The following TMTC4 variants were observed in gnomAD, a reference collection of about 807,000 sequenced individuals.
TMTC4 encodes the protein protein O-mannosyl-transferase TMTC4.
In TMTC4, 65 loss-of-function variants were observed where a neutral mutation model predicts 86.0. That is an observed-to-expected ratio of 0.76 (90% CI 0.62 to 0.93). The LOEUF (loss-of-function observed/expected upper bound fraction) is 0.93. TMTC4 is among the 40% of genes least tolerant of loss of function. The pLI, the probability that TMTC4 is intolerant of heterozygous loss-of-function variation, is 0.00. For synonymous variants in TMTC4, 379 were observed against 382.5 expected, an observed-to-expected ratio of 0.99 and a Z score of 0.11; for missense variants, 866 against 948.1, an observed-to-expected ratio of 0.91 and a Z score of 1.14.
rs1441768257 is a variant in TMTC4, at chr13:100,605,511, G to A, written c.2135-369C>T. ...TGATGGATGCTAGGCACTGCCCAGAGCCCTGACTATGCAGAAGTTCAGCTG... is the reference window on the plus strand; with the variant it reads ...TGATGGATGCTAGGCACTGCCCAGAACCCTGACTATGCAGAAGTTCAGCTG... On this transcript the variant is annotated intron_variant, in intron 18 of 18. Coordinates refer to ENST00000342624, the MANE Select transcript of TMTC4 (RefSeq NM_032813.5). The surrounding 1 kb of genome is among the most constrained non-coding windows in gnomAD (Gnocchi z 4.3). Among the ~76,000 whole-genome samples, 1 of 152,176 alleles carries A rather than the reference G, an allele frequency of 6.6e-6. No individual in the cohort carries two copies. The highest frequency in any genetic ancestry group is 1.5e-5 in the Non-Finnish European group (1 of 68,026).
intron 1 of TMTC4, 29 bp downstream of exon 1, chr13:100,674,715 G>C (rs1443303889): frequency 4.6e-5 from 45 of 983,214 alleles, no homozygotes; most frequent in Non-Finnish European, 5.2e-5. Context: ...CGGCGCGCTC[G>C]GCCCTGCAGG....
intron 3 of TMTC4, 35 bp from the exon 4 acceptor site, chr13:100,664,371 G>T (rs1886159298): frequency 2.0e-6 from 3 of 1,532,184 alleles, no homozygotes; most frequent in Non-Finnish European, 2.7e-6. Context: ...CTGGACAAGG[G>T]TCTCCCATCA....
Position 100,625,803 on chromosome 13 carries a change from G to C in TMTC4, c.1676C>G (p.Ser559Cys). 6.2e-7 allele frequency: 1 copy of C among 1,613,732 alleles called. No homozygotes were observed. The highest frequency in any genetic ancestry group is 8.5e-7 in the Non-Finnish European group (1 of 1,180,010). Residue 559 changes from serine (S) to cysteine (C), a missense_variant, in exon 14 of 19, where the codon TCT becomes TGT. Ser to Cys is a moderately radical substitution (Grantham distance 112, BLOSUM62 -1). Coordinates refer to ENST00000342624, the MANE Select transcript of TMTC4 (RefSeq NM_032813.5). ...TGCTTACTGTATTTGAACAGCCAAA[G>C]ACAGCAGCTCCTCAGCTTCCTGTAG... Reference protein sequence around the residue: ...NELQEAEELLSLAVQIQPDFA... With the variant: ...NELQEAEELLCLAVQIQPDFA...
intron 15 of TMTC4, among the ~76,000 whole-genome samples, chr13:100,615,743 G>A (rs534241951): frequency 6.8e-4 from 103 of 152,298 alleles, no homozygotes; most frequent in Admixed American, 2.8e-3. Flanking sequence ...GTGGGCCACC[G>A]CACTCGGCCT....
At chr13:100,645,182 G>A (rs1320608815) in intron 6 of TMTC4, among the ~76,000 whole-genome samples, 1 of 152,102 alleles carries the variant, frequency 6.6e-6, no homozygotes, top group Non-Finnish European at 1.5e-5. Context: ...TTCTGACCGT[G>A]GCTTTAAAGG....
chr13:100,674,991 C>G (rs2791681), upstream of TMTC4: 294,234 of 985,524 alleles, frequency 0.3, 44,979 homozygotes, highest in East Asian at 0.59. Context: ...CCCTCCTCAG[C>G]TCATTGGCGG....
chr13:100,668,481 A>T, intron 3 of TMTC4, 98 bp downstream of exon 3: 1 of 1,281,048 alleles, frequency 7.8e-7, no homozygotes, highest in Non-Finnish European at 1.1e-6. Flanking sequence ...GCCAATGCTT[A>T]ACCTACATTC....
At chr13:100,640,656 A>G (rs941878996) in intron 7 of TMTC4, among the ~76,000 whole-genome samples, 6 of 152,086 alleles carry the variant, frequency 3.9e-5, no homozygotes, top group Non-Finnish European at 8.8e-5. Context: ...CCATCTCCAC[A>G]AAAAATTTTA....
intron 12 of TMTC4, among the ~76,000 whole-genome samples, chr13:100,632,045 A>ACTCTCTCT (rs1409294236): frequency 7.7e-5 from 5 of 65,042 alleles, no homozygotes; most frequent in African/African-American, 2.2e-4. Flanking sequence ...ACACACACAC[A>ACTCTCTCT]CACACACACT....
chr13:100,668,429 T>C, intron 3 of TMTC4, 150 bp downstream of exon 3: 1 of 764,404 alleles, frequency 1.3e-6, no homozygotes, highest in Non-Finnish European at 2.1e-6. Context: ...ATGGAGGCGA[T>C]GTTGAAAAGA....
chr13:100,657,024 C>T (rs1885200613), intron 5 of TMTC4, among the ~76,000 whole-genome samples: 1 of 152,160 alleles, frequency 6.6e-6, no homozygotes, highest in Non-Finnish European at 1.5e-5. Flanking sequence ...TGGTTTGAAC[C>T]TGCTGCTAGC....
At chr13:100,627,183 G>T (rs1880678320) in intron 12 of TMTC4, among the ~76,000 whole-genome samples, 1 of 152,214 alleles carries the variant, frequency 6.6e-6, no homozygotes, top group South Asian at 2.1e-4. Flanking sequence ...TGTGGCTGGA[G>T]CACAGAGAGC....
rs146540130 is a variant in TMTC4, at chr13:100,660,070, C to T, written c.552+2894G>A. Among the ~76,000 whole-genome samples the T allele has an allele frequency of 2.1e-3, 316 of 151,842 alleles. 2 individuals are homozygous for T. Among genetic ancestry groups the T allele is most frequent in the African/African-American group, 7.3e-3 (301 of 41,364 alleles). On this transcript the variant is annotated intron_variant, in intron 5 of 18. Coordinates refer to ENST00000342624, the MANE Select transcript of TMTC4 (RefSeq NM_032813.5). ...GTTAGGCCAGGTGCAGTGGCTCACA[C>T]CTGTAATCCCAGCACTTTGGGAGGC...
At chr13:100,627,446 G>A (rs796355602) in intron 12 of TMTC4, among the ~76,000 whole-genome samples, 1 of 152,186 alleles carries the variant, frequency 6.6e-6, no homozygotes, top group African/African-American at 2.4e-5. Flanking sequence ...CCGGCTGAGG[G>A]AAGAGACTGC....
At chr13:100,664,913 G>C (rs548383795) in intron 3 of TMTC4, among the ~76,000 whole-genome samples, 3 of 152,106 alleles carry the variant, frequency 2.0e-5, no homozygotes, top group Non-Finnish European at 4.4e-5. Flanking sequence ...TGCTTAATAC[G>C]TGTCAAATAA....
chr13:100,613,626 A>AATGG (rs1877980728), intron 16 of TMTC4, among the ~76,000 whole-genome samples: 1 of 152,108 alleles, frequency 6.6e-6, no homozygotes, highest in South Asian at 2.1e-4. Context: ...GAGGATGGCC[A>AATGG]ATGGTGGATA....
intron 6 of TMTC4, among the ~76,000 whole-genome samples, chr13:100,655,170 C>T (rs1291798406): frequency 1.3e-5 from 2 of 151,828 alleles, no homozygotes; most frequent in Non-Finnish European, 2.9e-5. Flanking sequence ...TACAGGCACA[C>T]GCCACCACAC....
At chr13:100,632,015 CCACACACACACACA>C (rs60522457) in intron 12 of TMTC4, among the ~76,000 whole-genome samples, 5 of 99,358 alleles carry the variant, frequency 5.0e-5, no homozygotes, top group African/African-American at 2.1e-4. Flanking sequence ...TAAGAGGAAA[CCACACACACACACA>C]CACACACACA....
At chr13:100,624,422 T>C (rs1293778835) in intron 15 of TMTC4, 2 of 153,428 alleles carry the variant, frequency 1.3e-5, no homozygotes, top group Non-Finnish European at 2.9e-5. Context: ...GGCCATGCCA[T>C]TGGGACCGCC....
Sources: gnomAD v4.1 joint callset for allele counts (sites outside exome capture counted in the v4.1 genomes callset) on GRCh38, gnomAD v4.1.1 for gene constraint, Gnocchi (gnomAD v3.1) non-coding constraint, MANE v1.5 for transcripts, NCBI Gene and HGNC (gene_info 2026-07-23, HGNC 2026-07-21) for gene names.